The following ELAPOR2 variants were observed in gnomAD, a reference collection of about 807,000 sequenced individuals.
ELAPOR2 encodes the protein endosome/lysosome-associated apoptosis and autophagy regulator family member 2.
A neutral mutation model predicts 120.7 loss-of-function variants in ELAPOR2; 89 were observed. That is an observed-to-expected ratio of 0.74 (90% CI 0.62 to 0.88). The LOEUF (loss-of-function observed/expected upper bound fraction) is 0.88, where lower values mean the gene tolerates loss of function less well. ELAPOR2 is among the 40% of genes least tolerant of loss of function. The pLI is 0.00. For synonymous variants in ELAPOR2, 444 were observed against 444.9 expected (o/e 1.00, Z 0.03); for missense variants, 1,134 against 1,251.6 (o/e 0.91, Z 1.42).
chr7:86,925,650 C>A lies in ELAPOR2; in HGVS notation c.1277G>T (p.Arg426Ile). 1 of 1,611,438 alleles carries A rather than the reference C, an allele frequency of 6.2e-7. No individual in the cohort carries two copies. The highest frequency in any genetic ancestry group is 1.1e-5 in the South Asian group (1 of 90,990). Residue 426 changes from arginine (R) to isoleucine (I), a missense_variant, in exon 10 of 22, where the codon AGA (arginine) becomes ATA (isoleucine). This residue lies in a region of ELAPOR2 where 831 missense variants were observed against 867.6 expected (regional missense o/e 0.96). Transcript: ENST00000450689. Reference protein sequence around the residue: ...GTFSDGTKECRPCPAGTEPAL... With the variant: ...GTFSDGTKECIPCPAGTEPAL... The stretch of plus-strand genomic sequence containing the variant: ...AGGCTCCGTTCCTGCTGGACATGGT[C>A]TACATTCTACAGGAGACAAGTAGGG...
At chr7:86,957,316 C>A (rs1791516139) in intron 2 of ELAPOR2, among the ~76,000 whole-genome samples, 1 of 152,108 alleles carries the variant, frequency 6.6e-6, no homozygotes, top group Non-Finnish European at 1.5e-5. Flanking sequence ...CAAATTTTTA[C>A]AAATCTGATT....
At chr7:87,051,741 A>C (rs1368932817) in intron 1 of ELAPOR2, among the ~76,000 whole-genome samples, 1 of 152,096 alleles carries the variant, frequency 6.6e-6, no homozygotes, top group East Asian at 1.9e-4. Context: ...TGTAAACATC[A>C]CTCCCCCATA....
intron 17 of ELAPOR2, among the ~76,000 whole-genome samples, chr7:86,908,150 TACACACAC>T (rs144805388): frequency 0.02 from 2,926 of 144,340 alleles, 97 homozygotes; most frequent in African/African-American, 0.068. Flanking sequence ...TGTAAGTGAA[TACACACAC>T]ACACACACAC....
intron 18 of ELAPOR2, among the ~76,000 whole-genome samples, chr7:86,907,448 C>A (rs1789072233): frequency 6.7e-6 from 1 of 149,602 alleles, no homozygotes; most frequent in Non-Finnish European, 1.5e-5. Context: ...ACAAACAGGA[C>A]AAGAATATGT....
chr7:86,882,393 TGTG>T (rs1377880853), intron 21 of ELAPOR2, among the ~76,000 whole-genome samples: 1 of 152,142 alleles, frequency 6.6e-6, no homozygotes, highest in African/African-American at 2.4e-5. Flanking sequence ...AACATGGTGT[TGTG>T]GTGAGGGAAG....
intron 6 of ELAPOR2, among the ~76,000 whole-genome samples, chr7:86,939,568 T>G (rs558340752): frequency 6.6e-6 from 1 of 152,190 alleles, no homozygotes; most frequent in South Asian, 2.1e-4. Context: ...GGCCAGAAAT[T>G]ACCCGGTTGG....
At chr7:86,941,888 T>G (rs1790809740) in intron 5 of ELAPOR2, 130 bp downstream of exon 5, 1 of 567,092 alleles carries the variant, frequency 1.8e-6, no homozygotes, top group Non-Finnish European at 3.1e-6. Context: ...TTAATTTTGA[T>G]ATTTTTTCTT....
At chr7:86,908,587 T>C (rs1287969785) in intron 16 of ELAPOR2, 44 bp from the exon 17 acceptor site, 1 of 876,908 alleles carries the variant, frequency 1.1e-6, no homozygotes, top group African/African-American at 1.8e-5. Context: ...TATGGAAAAT[T>C]AGTTTTATTT....
At chr7:86,974,618 T>TGTGC (rs1792215121) in intron 1 of ELAPOR2, among the ~76,000 whole-genome samples, 1 of 151,404 alleles carries the variant, frequency 6.6e-6, no homozygotes, top group Non-Finnish European at 1.5e-5. Flanking sequence ...TGTGTGTGTG[T>TGTGC]GTTGGATACA....
At chr7:86,889,603 G>A (rs939022362) in intron 21 of ELAPOR2, among the ~76,000 whole-genome samples, 4 of 151,910 alleles carry the variant, frequency 2.6e-5, no homozygotes, top group African/African-American at 9.7e-5. Flanking sequence ...AGGAGATTTC[G>A]TCACACTATT....
chr7:87,051,155 G>A (rs1415424056), intron 1 of ELAPOR2, among the ~76,000 whole-genome samples: 2 of 152,132 alleles, frequency 1.3e-5, no homozygotes, highest in Non-Finnish European at 1.5e-5. Flanking sequence ...GGAGTGTAAG[G>A]ATGACAGAAA....
chr7:86,914,887 C>T, intron 12 of ELAPOR2, 27 bp from the exon 13 acceptor site: 1 of 1,560,572 alleles, frequency 6.4e-7, no homozygotes, highest in Non-Finnish European at 8.7e-7. Context: ...AAACTATATT[C>T]AAATAAAGCA....
intron 1 of ELAPOR2, among the ~76,000 whole-genome samples, chr7:87,051,399 A>T (rs1335914428): frequency 2.0e-5 from 3 of 152,220 alleles, no homozygotes; most frequent in Non-Finnish European, 1.5e-5. Flanking sequence ...TTGTAAGTAA[A>T]CAAATTTACC....
intron 1 of ELAPOR2, among the ~76,000 whole-genome samples, chr7:87,024,646 C>A (rs896557736): frequency 6.6e-6 from 1 of 152,058 alleles, no homozygotes; most frequent in Admixed American, 6.6e-5. Context: ...ATAGTACCAG[C>A]TCCTCCTTGT....
intron 1 of ELAPOR2, among the ~76,000 whole-genome samples, chr7:86,991,871 G>C (rs1452855902): frequency 1.3e-5 from 2 of 151,704 alleles, no homozygotes; most frequent in African/African-American, 4.9e-5. Flanking sequence ...CTCTTTTAAA[G>C]AGCCTTCTTG....
chr7:87,015,909 A>G (rs2116682391), intron 1 of ELAPOR2, among the ~76,000 whole-genome samples: 1 of 152,272 alleles, frequency 6.6e-6, no homozygotes, highest in Admixed American at 6.5e-5. Flanking sequence ...GTAGGTTGTC[A>G]GTTAACAGGC....
At chr7:86,899,861 T>C (rs1162197647) in intron 18 of ELAPOR2, among the ~76,000 whole-genome samples, 2 of 151,556 alleles carry the variant, frequency 1.3e-5, no homozygotes, top group Non-Finnish European at 3.0e-5. Flanking sequence ...TTTTTTTTTT[T>C]AAAGAGTAAT....
At chr7:86,902,810 C>T (rs1196824050) in intron 18 of ELAPOR2, among the ~76,000 whole-genome samples, 1 of 152,132 alleles carries the variant, frequency 6.6e-6, no homozygotes, top group African/African-American at 2.4e-5. Context: ...ACCCCTCTCA[C>T]TTGGCTGAGT....
At chr7:87,015,716 ACTCCCAGCTACTCCCAACTG>A in intron 1 of ELAPOR2, among the ~76,000 whole-genome samples, 1 of 151,970 alleles carries the variant, frequency 6.6e-6, no homozygotes, top group South Asian at 2.1e-4. Flanking sequence ...TGAACCAGCT[ACTCCCAGCTACTCCCAACTG>A]CTCCCAGCTA....
Sources: allele counts gnomAD v4.1 joint callset (sites outside exome capture counted in the v4.1 genomes callset), GRCh38; gene constraint gnomAD v4.1.1; regional missense constraint gnomAD v4.1.1; transcripts MANE v1.5; gene names NCBI Gene and HGNC (gene_info 2026-07-23, HGNC 2026-07-21).